The following CMSS1 variants were observed in gnomAD, a reference collection of about 807,000 sequenced individuals.
CMSS1 encodes cms1 ribosomal small subunit homolog.
A neutral mutation model predicts 43.5 loss-of-function variants in CMSS1; 33 were observed. That is an observed-to-expected ratio of 0.76 (90% confidence interval 0.57 to 1.01). The LOEUF (loss-of-function observed/expected upper bound fraction) is 1.01, where lower values mean the gene tolerates loss of function less well. CMSS1 is among the 50% of genes least tolerant of loss of function. CMSS1 has a pLI of 0.00. For synonymous variants in CMSS1, 115 were observed against 117.2 expected (o/e 0.98, Z 0.12); for missense variants, 313 against 326.4 (o/e 0.96, Z 0.32).
chr3:100,019,587 C>T lies in CMSS1; in HGVS notation c.65-127386C>T, dbSNP rs181383222. Among the ~76,000 whole-genome samples, 71 of 152,158 alleles carry T rather than the reference C, an allele frequency of 4.7e-4. 1 individual carries two copies. In the East Asian group the frequency reaches 0.013, roughly 29 times the overall value. On this transcript the variant is annotated intron_variant, in intron 1 of 9. Coordinates refer to ENST00000421999, the MANE Select transcript of CMSS1 (RefSeq NM_032359.4). ...TGTTCTATTTTAATGTATTTAAAGACAGTAGTAGATACTTTTTTCCTCTAA... is the reference window on the plus strand; with the variant it reads ...TGTTCTATTTTAATGTATTTAAAGATAGTAGTAGATACTTTTTTCCTCTAA...
chr3:99,832,267 A>G (rs929933616), intron 1 of CMSS1, among the ~76,000 whole-genome samples: 20 of 139,306 alleles, frequency 1.4e-4, no homozygotes, highest in Non-Finnish European at 2.7e-4. Flanking sequence ...GTCTCGCTGT[A>G]TCACCCAGAC....
chr3:99,936,724 G>A (rs1707688028), intron 1 of CMSS1, among the ~76,000 whole-genome samples: 1 of 150,784 alleles, frequency 6.6e-6, no homozygotes, highest in Non-Finnish European at 1.5e-5. Context: ...CTAAAAAGTG[G>A]CAGAGTCAGA....
intron 1 of CMSS1, among the ~76,000 whole-genome samples, chr3:100,114,740 A>T (rs2066542440): frequency 6.6e-6 from 1 of 152,202 alleles, no homozygotes; most frequent in South Asian, 2.1e-4. Context: ...CACCTTAGGA[A>T]CAGATGCCCA....
chr3:100,092,713 G>GA lies in CMSS1; in HGVS notation c.65-54253dup, dbSNP rs531614185. Among the ~76,000 whole-genome samples, 1,104 of 149,214 alleles carry GA rather than the reference G, an allele frequency of 7.4e-3. 5 individuals are homozygous for GA. The highest frequency in any genetic ancestry group is 0.011 in the African/African-American group (440 of 40,300). On this transcript the variant is annotated intron_variant, in intron 1 of 9. Transcript: ENST00000421999. ...TATTATTTTAGGTTCTCCCTTTAGAGAAAAAAATATTCATACTTACTCTGA... is the reference window on the plus strand; with the variant it reads ...TATTATTTTAGGTTCTCCCTTTAGAGAAAAAAAATATTCATACTTACTCTGA...
chr3:100,097,511 ATC>A (rs909825443), intron 1 of CMSS1, among the ~76,000 whole-genome samples: 7 of 152,174 alleles, frequency 4.6e-5, no homozygotes, highest in African/African-American at 1.7e-4. Context: ...AACACAGTAT[ATC>A]TCTCTATTTT....
chr3:100,126,482 C>T (rs958550497), intron 1 of CMSS1, among the ~76,000 whole-genome samples: 2 of 152,116 alleles, frequency 1.3e-5, no homozygotes, highest in African/African-American at 4.8e-5. Context: ...TTCCTACAAA[C>T]GTAGAATCAA....
rs1342255259 is a variant in CMSS1 at position 100,021,956 on chromosome 3, TGTGTGA to T, written c.65-125015_65-125010del. Among the ~76,000 whole-genome samples the T allele has an allele frequency of 6.4e-3, 601 of 94,412 alleles. 3 individuals carry two copies. The highest frequency in any genetic ancestry group is 0.019 in the African/African-American group (528 of 27,564). 61.9% of individuals were successfully genotyped at this position (94,412 alleles called of 152,430 possible). A position where few individuals can be genotyped will look rare whatever the true frequency, so the allele number is the denominator to read the frequency against. ...GTGTGTGTGTGTGTGTGTGTGTGTG[TGTGTGA>T]GAGAGAGAGAGAGAGAGAGAGAGAG... On this transcript the variant is annotated intron_variant, in intron 1 of 9. Coordinates refer to ENST00000421999, the MANE Select transcript of CMSS1 (RefSeq NM_032359.4).
chr3:99,941,249 T>G (rs1043988992), intron 1 of CMSS1, among the ~76,000 whole-genome samples: 2 of 152,132 alleles, frequency 1.3e-5, no homozygotes, highest in Non-Finnish European at 2.9e-5. Flanking sequence ...ATGAAAAAAC[T>G]GAAGTGTTAT....
chr3:99,961,475 C>T (rs1005272863), intron 1 of CMSS1, among the ~76,000 whole-genome samples: 6 of 152,150 alleles, frequency 3.9e-5, no homozygotes, highest in Non-Finnish European at 7.3e-5. Context: ...AGAATCTTAA[C>T]TTTGCAAGGA....
chr3:99,880,268 G>C (rs1383935619), intron 1 of CMSS1, among the ~76,000 whole-genome samples: 2 of 152,090 alleles, frequency 1.3e-5, no homozygotes, highest in African/African-American at 4.8e-5. Context: ...GGTGCCACCT[G>C]TCTGGCTCTG....
rs149549373 is a variant in CMSS1, at chr3:100,031,895, A to G, written c.65-115078A>G. On this transcript the variant is annotated intron_variant, in intron 1 of 9. Transcript: ENST00000421999. The stretch of plus-strand genomic sequence containing the variant: ...TAAACTAGGTCAAAATCAGCCAAAG[A>G]CAATACATAAATTAATGAGCATGGC... 4.6e-3 allele frequency among the ~76,000 whole-genome samples: 707 copies of G among 152,358 alleles called. 2 individuals carry two copies. Among genetic ancestry groups the G allele is most frequent in the South Asian group, 7.0e-3 (34 of 4,832 alleles).
At chr3:99,986,009 A>C (rs1269156695) in intron 1 of CMSS1, among the ~76,000 whole-genome samples, 1 of 152,246 alleles carries the variant, frequency 6.6e-6, no homozygotes, top group African/African-American at 2.4e-5. Context: ...ACTTAATGAG[A>C]TACAGTTTGC....
At chr3:99,872,312 T>TGC (rs1944836601) in intron 1 of CMSS1, among the ~76,000 whole-genome samples, 1 of 147,416 alleles carries the variant, frequency 6.8e-6, no homozygotes. Flanking sequence ...TGTGTGTGTG[T>TGC]GTGTGTGTGT....
chr3:99,975,683 G>A (rs568360530), intron 1 of CMSS1, among the ~76,000 whole-genome samples: 21 of 152,258 alleles, frequency 1.4e-4, no homozygotes, highest in South Asian at 2.1e-4. Context: ...GGAAGAGAGC[G>A]TTCTGTTTTA....
intron 1 of CMSS1, among the ~76,000 whole-genome samples, chr3:100,010,685 G>T (rs938161314): frequency 6.8e-6 from 1 of 147,696 alleles, no homozygotes; most frequent in Non-Finnish European, 1.5e-5. Context: ...CTCGATCTCT[G>T]CCCACTGCAA....
intron 1 of CMSS1, among the ~76,000 whole-genome samples, chr3:99,873,155 T>C (rs542851809): frequency 2.5e-4 from 38 of 152,318 alleles, no homozygotes; most frequent in African/African-American, 8.2e-4. Flanking sequence ...CACAGAAATA[T>C]TGCTTTGAAG....
At chr3:100,012,961 G>GTATT (rs1018199026) in intron 1 of CMSS1, among the ~76,000 whole-genome samples, 1 of 151,676 alleles carries the variant, frequency 6.6e-6, no homozygotes, top group Admixed American at 6.6e-5. Context: ...ATGTATGTAT[G>GTATT]TATTTATTTA....
At chr3:100,061,329 A>G (rs556784115) in intron 1 of CMSS1, among the ~76,000 whole-genome samples, 2 of 152,356 alleles carry the variant, frequency 1.3e-5, no homozygotes, top group South Asian at 4.1e-4. Context: ...GGCCAAGCAC[A>G]TGACATTCGA....
At chr3:99,966,240 C>T (rs1240152268) in intron 1 of CMSS1, among the ~76,000 whole-genome samples, 1 of 152,268 alleles carries the variant, frequency 6.6e-6, no homozygotes, top group East Asian at 1.9e-4. Context: ...AGAGGCTGGG[C>T]ATGGGAGCTT....
Sources: allele counts gnomAD v4.1 joint callset (sites outside exome capture counted in the v4.1 genomes callset), GRCh38; gene constraint gnomAD v4.1.1; transcripts MANE v1.5; gene names NCBI Gene and HGNC (gene_info 2026-07-23, HGNC 2026-07-21).